ZNF385D: variants seen among roughly 807,000 people sequenced by gnomAD.
The protein encoded by ZNF385D is zinc finger protein 659.
ZNF385D carries 15 observed loss-of-function variants against 35.8 expected under a neutral mutation model. The observed-to-expected ratio is 0.42, with a 90% CI of 0.28 to 0.64. ZNF385D has a LOEUF of 0.64. Among genes scored for constraint, ZNF385D ranks in the 30% least tolerant of loss-of-function variants. ZNF385D has a pLI of 0.23. For synonymous variants in ZNF385D, 212 were observed against 186.8 expected (o/e 1.13, Z -1.10); for missense variants, 474 against 494.6 (o/e 0.96, Z 0.39).
chr3:21,987,677 G>T lies in ZNF385D; in HGVS notation c.325+181140C>A, dbSNP rs548170961. Reference sequence around the variant, plus strand: ...GTTGCTCTTCTCGAGGAGTATCTTTGTGGTGTTCTCTGTATTTCCTGAATC... The same window carrying T: ...GTTGCTCTTCTCGAGGAGTATCTTTTTGGTGTTCTCTGTATTTCCTGAATC... On this transcript the variant is annotated intron_variant, in intron 3 of 5. Transcript: ENST00000494108. 8.3e-5 allele frequency among the ~76,000 whole-genome samples: 12 copies of T among 144,402 alleles called. No homozygotes were observed. In the South Asian group the frequency reaches 2.8e-3, roughly 34 times the overall value. 94.7% of individuals were successfully genotyped at this position (144,402 alleles called of 152,430 possible). A position where few individuals can be genotyped will look rare whatever the true frequency, so the allele number is the denominator to read the frequency against.
At chr3:21,860,099 T>A (rs555909982) in intron 3 of ZNF385D, among the ~76,000 whole-genome samples, 1 of 152,112 alleles carries the variant, frequency 6.6e-6, no homozygotes, top group Admixed American at 6.6e-5. Flanking sequence ...AAAATTAGGA[T>A]GAATGTTGAA....
chr3:22,127,759 GCAAAGGAAAAACTAAAGACATT>G (rs1243249010), intron 3 of ZNF385D, among the ~76,000 whole-genome samples: 5 of 152,064 alleles, frequency 3.3e-5, no homozygotes, highest in Admixed American at 6.6e-5. Flanking sequence ...AACTAAACAA[GCAAAGGAAAAACTAAAGACATT>G]CTACACTTTA....
At chr3:21,782,315 G>A (rs1481006614) in intron 3 of ZNF385D, among the ~76,000 whole-genome samples, 1 of 152,062 alleles carries the variant, frequency 6.6e-6, no homozygotes, top group Non-Finnish European at 1.5e-5. Context: ...AAATCTCCAA[G>A]TTTAGAACTG....
At chr3:21,696,374 C>T (rs985825705) in intron 1 of ZNF385D, among the ~76,000 whole-genome samples, 9 of 152,130 alleles carry the variant, frequency 5.9e-5, no homozygotes, top group Non-Finnish European at 1.2e-4. Context: ...AGCATGCTGG[C>T]GATAATCCCT....
At chr3:22,258,333 A>C (rs960449550) in intron 2 of ZNF385D, among the ~76,000 whole-genome samples, 2 of 151,858 alleles carry the variant, frequency 1.3e-5, no homozygotes, top group Non-Finnish European at 2.9e-5. Flanking sequence ...AATAAGCAGA[A>C]TAAGTGAAGA....
chr3:21,769,900 T>C (rs1350413215), intron 3 of ZNF385D, among the ~76,000 whole-genome samples: 2 of 151,456 alleles, frequency 1.3e-5, no homozygotes, highest in South Asian at 2.1e-4. Context: ...TATAGACCAA[T>C]GGAACAGAAC....
rs1443714978 is a variant in ZNF385D, at chr3:21,795,602, T to C, written c.326-130574A>G. ...AAACAGGAAAGATAAGCTCAAGTAA[T>C]TGTGATATTTCCATGGAAGAGAAGG... On this transcript the variant is annotated intron_variant, in intron 3 of 5. Coordinates refer to the ZNF385D transcript ENST00000494108. Among the ~76,000 whole-genome samples the C allele has an allele frequency of 2.0e-5, 3 of 152,110 alleles. 1 individual carries two copies. The highest frequency in any genetic ancestry group is 4.1e-4 in the South Asian group (2 of 4,834).
chr3:22,065,582 G>A (rs2125550496), intron 3 of ZNF385D, among the ~76,000 whole-genome samples: 1 of 152,224 alleles, frequency 6.6e-6, no homozygotes, highest in African/African-American at 2.4e-5. Context: ...GAGGAAATTG[G>A]GCATGGTGAA....
intron 4 of ZNF385D, among the ~76,000 whole-genome samples, chr3:21,503,167 G>T (rs996679885): frequency 6.6e-6 from 1 of 152,108 alleles, no homozygotes; most frequent in African/African-American, 2.4e-5. Context: ...AAGAAAATAT[G>T]CATCACTGAT....
At chr3:21,947,470 C>T (rs1396194477) in intron 3 of ZNF385D, among the ~76,000 whole-genome samples, 1 of 152,068 alleles carries the variant, frequency 6.6e-6, no homozygotes, top group African/African-American at 2.4e-5. Context: ...CCTGCCTCAG[C>T]CTCCTGAGTC....
intron 3 of ZNF385D, among the ~76,000 whole-genome samples, chr3:21,828,498 C>T (rs1390689951): frequency 6.6e-6 from 1 of 152,132 alleles, no homozygotes; most frequent in Non-Finnish European, 1.5e-5. Flanking sequence ...GTTTTACTCA[C>T]CTATAACCTA....
chr3:22,143,414 G>C (rs17594178), intron 3 of ZNF385D, among the ~76,000 whole-genome samples: 17,853 of 152,096 alleles, frequency 0.12, 1,318 homozygotes, highest in Middle Eastern at 0.23. Context: ...TTAAAATAAA[G>C]ACAACTAAAT....
intron 3 of ZNF385D, among the ~76,000 whole-genome samples, chr3:21,926,185 G>T (rs1700717631): frequency 6.6e-6 from 1 of 151,716 alleles, no homozygotes; most frequent in Admixed American, 6.6e-5. Flanking sequence ...TGCAGATTTT[G>T]CAGGTTTGTT....
At chr3:21,807,746 C>A (rs1483597812) in intron 3 of ZNF385D, among the ~76,000 whole-genome samples, 2 of 152,014 alleles carry the variant, frequency 1.3e-5, no homozygotes, top group Admixed American at 6.6e-5. Context: ...ATTTCTTGAG[C>A]TTTTCAGAAC....
At chr3:21,436,152 T>C (rs1043866224) in intron 5 of ZNF385D, among the ~76,000 whole-genome samples, 1 of 149,754 alleles carries the variant, frequency 6.7e-6, no homozygotes, top group Non-Finnish European at 1.5e-5. Flanking sequence ...TGTGTGTATG[T>C]GTGTGTGTGT....
intron 3 of ZNF385D, among the ~76,000 whole-genome samples, chr3:22,110,078 C>T (rs1349478978): frequency 6.6e-6 from 1 of 151,964 alleles, no homozygotes; most frequent in Non-Finnish European, 1.5e-5. Flanking sequence ...CAAATCAAAA[C>T]CACAATGAGA....
At chr3:22,041,764 G>A (rs1698677425) in intron 3 of ZNF385D, among the ~76,000 whole-genome samples, 1 of 152,044 alleles carries the variant, frequency 6.6e-6, no homozygotes, top group African/African-American at 2.4e-5. Context: ...AAGAGCTGGT[G>A]TCTATTCAAT....
intron 2 of ZNF385D, among the ~76,000 whole-genome samples, chr3:22,283,672 T>C (rs1261998949): frequency 6.6e-6 from 1 of 152,132 alleles, no homozygotes; most frequent in Non-Finnish European, 1.5e-5. Flanking sequence ...TCACGGGTAA[T>C]AGTAACTCCT....
chr3:21,891,989 T>A (rs1698891573), intron 3 of ZNF385D, among the ~76,000 whole-genome samples: 1 of 152,168 alleles, frequency 6.6e-6, no homozygotes, highest in African/African-American at 2.4e-5. Context: ...GCAGCAAAGA[T>A]ACTGGTCTCC....
Sources: gnomAD v4.1 joint callset for allele counts (sites outside exome capture counted in the v4.1 genomes callset) on GRCh38, gnomAD v4.1.1 for gene constraint, MANE v1.5 for transcripts, NCBI Gene and HGNC (gene_info 2026-07-23, HGNC 2026-07-21) for gene names.